Variants in DIP2B observed in about 807,000 individuals in gnomAD.
The protein encoded by DIP2B is disco-interacting protein 2 homolog B.
In DIP2B, 76 loss-of-function variants were observed where a neutral mutation model predicts 198.0. The observed-to-expected ratio is 0.38, with a 90% CI of 0.32 to 0.46. DIP2B has a LOEUF of 0.46. Ranked by LOEUF, DIP2B falls within the 20% of genes least tolerant of loss-of-function variation. The pLI, the probability that DIP2B is intolerant of heterozygous loss-of-function variation, is 0.99. For synonymous variants in DIP2B, 701 were observed against 739.1 expected, an observed-to-expected ratio of 0.95 and a Z score of 0.84; for missense variants, 1,559 against 1,978.4, an observed-to-expected ratio of 0.79 and a Z score of 4.02.
chr12:50,739,414 G>T lies in DIP2B; in HGVS notation c.4182G>T (p.Trp1394Cys). Reference protein sequence around the residue: ...PVGDSHLGEIWVNSPHTASGY... With the variant: ...PVGDSHLGEICVNSPHTASGY... ...TCAAAGCACTTTTCTTGTAGATTTG[G>T]GTGAACAGTCCCCATACAGCCAGCG... The change falls in exon 36 of 38, where the codon TGG becomes TGT. Residue 1394 changes from tryptophan (W) to cysteine (C), a missense_variant. Coordinates refer to ENST00000301180, the MANE Select transcript of DIP2B (RefSeq NM_173602.3). The T allele has an allele frequency of 1.2e-6, 2 of 1,605,328 alleles. No individual in the cohort carries two copies. Among genetic ancestry groups the T allele is most frequent in the Non-Finnish European group, 8.5e-7 (1 of 1,172,540 alleles).
At chr12:50,580,971 C>T (rs963095496) in intron 1 of DIP2B, among the ~76,000 whole-genome samples, 1 of 149,210 alleles carries the variant, frequency 6.7e-6, no homozygotes, top group African/African-American at 2.5e-5. Context: ...GTAGCTCTTT[C>T]TTAATGTTTT....
chr12:50,566,482 A>G (rs747921045), intron 1 of DIP2B, among the ~76,000 whole-genome samples: 1 of 152,056 alleles, frequency 6.6e-6, no homozygotes, highest in Admixed American at 6.6e-5. Flanking sequence ...TTCTCCTTCA[A>G]TCTGTGAATT....
At chr12:50,650,475 C>T (rs1252557376) in intron 3 of DIP2B, among the ~76,000 whole-genome samples, 3 of 152,000 alleles carry the variant, frequency 2.0e-5, no homozygotes, top group South Asian at 2.1e-4. Context: ...AACTCATTTC[C>T]CCCTCCTCTC....
Position 50,706,510 on chromosome 12 carries a change from A to G in DIP2B, c.2407-28A>G, listed in dbSNP as rs370398770. 22 of 1,610,608 alleles carry G rather than the reference A, an allele frequency of 1.4e-5. No homozygotes were observed. The African/African-American group carries it at 2.9e-4, about 21-fold the overall frequency. ...CTGTTTTACTATTTAAATCATGGAA[A>G]TCAAGGTAAATCATCATTACCTTTC... On this transcript the variant is annotated intron_variant, in intron 20 of 37. Transcript: ENST00000301180.
At chr12:50,665,677 C>G (rs984486628) in intron 4 of DIP2B, among the ~76,000 whole-genome samples, 2 of 151,190 alleles carry the variant, frequency 1.3e-5, no homozygotes, top group African/African-American at 4.9e-5. Flanking sequence ...TGTAGCCACT[C>G]AGGAGGCTGA....
Position 50,690,237 on chromosome 12 carries a change from C to T in DIP2B, c.1552-812C>T, listed in dbSNP as rs535610966. Among the ~76,000 whole-genome samples the T allele has an allele frequency of 2.7e-4, 41 of 152,272 alleles. No homozygotes were observed. In the East Asian group the frequency reaches 7.3e-3, roughly 27 times the overall value. ...GAGTAACTGGGACTACAGGCGCCCG[C>T]CACTACGCCCGGCTAATTTTTTGTA... is the stretch of plus-strand genomic sequence containing the variant. On this transcript the variant is annotated intron_variant, in intron 12 of 37. Transcript: ENST00000301180.
chr12:50,616,650 G>A (rs1207456106), intron 1 of DIP2B, among the ~76,000 whole-genome samples: 1 of 152,142 alleles, frequency 6.6e-6, no homozygotes, highest in African/African-American at 2.4e-5. Context: ...GAAGACAGAG[G>A]CCAGGAGCTG....
intron 3 of DIP2B, 76 bp from the exon 4 acceptor site, chr12:50,660,118 C>A: frequency 7.9e-7 from 1 of 1,272,894 alleles, no homozygotes; most frequent in Non-Finnish European, 1.0e-6. Flanking sequence ...ACAATTGAGG[C>A]AGTGATAGTT....
rs1007971104 is a variant in DIP2B, at chr12:50,612,446, T to C, written c.101-13530T>C. Among the ~76,000 whole-genome samples the C allele has an allele frequency of 2.0e-3, 299 of 151,898 alleles. 2 individuals are homozygous for C. Among genetic ancestry groups the C allele is most frequent in the African/African-American group, 7.1e-3 (293 of 41,438 alleles). On this transcript the variant is annotated intron_variant, in intron 1 of 37. Coordinates refer to ENST00000301180, the MANE Select transcript of DIP2B (RefSeq NM_173602.3). ...TCATAATAACTTTTTTTTTTTTTTT[T>C]TGAGACAGTCTTGCTCTGTCCCCCC... is the stretch of plus-strand genomic sequence containing the variant.
intron 3 of DIP2B, among the ~76,000 whole-genome samples, chr12:50,652,346 T>TAC (rs34791599): frequency 0.022 from 3,079 of 140,428 alleles, 78 homozygotes; most frequent in African/African-American, 0.066. Flanking sequence ...ATATATATAA[T>TAC]ACACACACAC....
chr12:50,574,742 C>T (rs55780954), intron 1 of DIP2B, among the ~76,000 whole-genome samples: 231 of 152,316 alleles, frequency 1.5e-3, no homozygotes, highest in African/African-American at 5.4e-3. Context: ...CTCTTCCATG[C>T]ATGGCTTTTA....
intron 1 of DIP2B, among the ~76,000 whole-genome samples, chr12:50,509,788 CG>C: frequency 6.6e-6 from 1 of 152,330 alleles, no homozygotes; most frequent in East Asian, 1.9e-4. Flanking sequence ...TCATGGGAAA[CG>C]GGGCCACTTA....
At position 50,549,697 on chromosome 12, in the gene DIP2B, TA is replaced by T. The variant is rs56326368; in HGVS notation, c.100+44481del. On this transcript the variant is annotated intron_variant, in intron 1 of 37. Transcript: ENST00000301180. ...CTGGTGAAAGAGCAAGACTCCATCT[TA>T]AAAAAAAAAAAAAAAAAAAAAAAGC... is the stretch of plus-strand genomic sequence containing the variant. Among the ~76,000 whole-genome samples the T allele has an allele frequency of 3.1e-3, 203 of 64,772 alleles. 1 individual carries two copies. Among genetic ancestry groups the T allele is most frequent in the Middle Eastern group, 0.012 (1 of 82 alleles). 42.5% of individuals were successfully genotyped at this position (64,772 alleles called of 152,430 possible). A position where few individuals can be genotyped will look rare whatever the true frequency, so the allele number is the denominator to read the frequency against.
intron 2 of DIP2B, among the ~76,000 whole-genome samples, chr12:50,629,947 A>ATT (rs544878687): frequency 3.9e-4 from 50 of 127,184 alleles, no homozygotes; most frequent in Non-Finnish European, 2.4e-4. Flanking sequence ...GGTAAATTTA[A>ATT]TTTTTTTTTT....
intron 23 of DIP2B, among the ~76,000 whole-genome samples, chr12:50,716,958 C>CTTTGTTTTTTTTTTTTTTTTTTT (rs1939731976): frequency 1.7e-5 from 1 of 58,924 alleles, no homozygotes; most frequent in African/African-American, 6.2e-5. Flanking sequence ...CGAATTGTTG[C>CTTTGTTTTTTTTTTTTTTTTTTT]TTTTTTTTTT....
At chr12:50,560,190 C>T (rs565615442) in intron 1 of DIP2B, among the ~76,000 whole-genome samples, 13 of 151,550 alleles carry the variant, frequency 8.6e-5, no homozygotes, top group African/African-American at 2.9e-4. Flanking sequence ...GTCAGGAGAT[C>T]GAGACCATCT....
intron 1 of DIP2B, among the ~76,000 whole-genome samples, chr12:50,512,810 A>C (rs1428464323): frequency 6.6e-6 from 1 of 152,220 alleles, no homozygotes; most frequent in Non-Finnish European, 1.5e-5. Context: ...GTTCGAGACC[A>C]GCCTGGGCAA....
chr12:50,598,216 G>A (rs559094860), intron 1 of DIP2B, among the ~76,000 whole-genome samples: 4 of 152,230 alleles, frequency 2.6e-5, no homozygotes, highest in South Asian at 2.1e-4. Flanking sequence ...AACTGGGTTA[G>A]CCACATAATT....
intron 1 of DIP2B, among the ~76,000 whole-genome samples, chr12:50,525,663 C>T (rs1958157645): frequency 1.3e-5 from 2 of 152,108 alleles, no homozygotes; most frequent in Non-Finnish European, 2.9e-5. Flanking sequence ...TAGGTTTGCA[C>T]TATCACACCT....
Sources: gnomAD v4.1 joint callset for allele counts (sites outside exome capture counted in the v4.1 genomes callset) on GRCh38, gnomAD v4.1.1 for gene constraint, MANE v1.5 for transcripts, NCBI Gene and HGNC (gene_info 2026-07-23, HGNC 2026-07-21) for gene names.